The following CACNB2 variants were observed in gnomAD, a reference collection of about 807,000 sequenced individuals.
CACNB2 encodes voltage-dependent L-type calcium channel subunit beta-2.
In CACNB2, 42 loss-of-function variants were observed where a neutral mutation model predicts 73.3. The observed-to-expected ratio is 0.57, with a 90% CI of 0.45 to 0.74. The LOEUF (loss-of-function observed/expected upper bound fraction) is 0.74. CACNB2 is among the 30% of genes least tolerant of loss of function. CACNB2 has a pLI of 0.00. For missense variants in CACNB2, 940 were observed against 853.0 expected (o/e 1.10, Z -1.27); for synonymous variants, 348 against 310.3 (o/e 1.12, Z -1.28).
chr10:18,286,515 CTCAAAAAAAAA>C (rs2038805650), intron 2 of CACNB2, among the ~76,000 whole-genome samples: 2 of 52,712 alleles, frequency 3.8e-5, no homozygotes, highest in Non-Finnish European at 6.4e-5. Context: ...GAGATTCTGT[CTCAAAAAAAAA>C]AAAAAAAAAA....
intron 2 of CACNB2, among the ~76,000 whole-genome samples, chr10:18,266,544 C>A (rs1469396551): frequency 1.3e-5 from 2 of 151,588 alleles, no homozygotes; most frequent in Non-Finnish European, 2.9e-5. Flanking sequence ...TGGTTGTTCA[C>A]TCACAATTCA....
At chr10:18,201,087 T>A (rs1459065233) in intron 2 of CACNB2, among the ~76,000 whole-genome samples, 1 of 152,210 alleles carries the variant, frequency 6.6e-6, no homozygotes, top group Non-Finnish European at 1.5e-5. Context: ...GAGAGTTATA[T>A]GTTTGTGTAT....
At chr10:18,397,572 G>A (rs760994918) in intron 2 of CACNB2, among the ~76,000 whole-genome samples, 4 of 151,860 alleles carry the variant, frequency 2.6e-5, no homozygotes, top group Non-Finnish European at 5.9e-5. Flanking sequence ...AAAATTAGCC[G>A]AGTGTGGTGG....
chr10:18,344,783 A>G (rs2041378985), intron 2 of CACNB2, among the ~76,000 whole-genome samples: 2 of 152,234 alleles, frequency 1.3e-5, no homozygotes, highest in South Asian at 4.1e-4. Flanking sequence ...ATAAAATAAT[A>G]AAATAAAATA....
In CACNB2 at chr10:18,539,273, G is replaced by A. The variant is rs1039406883; in HGVS notation, c.1532G>A (p.Arg511His). Residue 511 changes from arginine to histidine, a missense_variant, in exon 14 of 14, where the codon CGT becomes CAT. Coordinates refer to ENST00000324631, the MANE Select transcript of CACNB2 (RefSeq NM_201596.3). ...DQRTDRSAPI[R>H]SASQAEEEPS... ...AGGACTGATCGCTCCGCTCCTATCC[G>A]TTCTGCTTCCCAAGCTGAAGAAGAA... The A allele has an allele frequency of 2.5e-5, 40 of 1,613,660 alleles. No individual in the cohort carries two copies. Among genetic ancestry groups the A allele is most frequent in the Admixed American group, 1.3e-4 (8 of 59,942 alleles).
intron 2 of CACNB2, among the ~76,000 whole-genome samples, chr10:18,245,892 T>G (rs1047274067): frequency 6.6e-6 from 1 of 152,168 alleles, no homozygotes; most frequent in African/African-American, 2.4e-5. Flanking sequence ...TGCATAGTGC[T>G]TATATTAATC....
chr10:18,178,595 G>A (rs59523856), intron 2 of CACNB2, among the ~76,000 whole-genome samples: 1 of 152,092 alleles, frequency 6.6e-6, no homozygotes, highest in African/African-American at 2.4e-5. Flanking sequence ...TTGGGAGAAG[G>A]TTCTTTTCCC....
intron 2 of CACNB2, among the ~76,000 whole-genome samples, chr10:18,252,555 C>G (rs1483361968): frequency 1.3e-5 from 2 of 152,118 alleles, no homozygotes; most frequent in Non-Finnish European, 2.9e-5. Context: ...TTTAATCCCT[C>G]TTTTATGTTA....
At chr10:18,427,371 C>T (rs989705834) in intron 3 of CACNB2, among the ~76,000 whole-genome samples, 2 of 151,858 alleles carry the variant, frequency 1.3e-5, no homozygotes, top group African/African-American at 2.4e-5. Flanking sequence ...GGATTTGACT[C>T]TTGAAGATTT....
intron 3 of CACNB2, among the ~76,000 whole-genome samples, chr10:18,406,924 T>C (rs889230614): frequency 6.6e-6 from 1 of 151,996 alleles, no homozygotes; most frequent in African/African-American, 2.4e-5. Context: ...CGACGGTCAG[T>C]GTACGTAAAG....
At chr10:18,359,827 T>A (rs2132208005) in intron 2 of CACNB2, among the ~76,000 whole-genome samples, 1 of 152,152 alleles carries the variant, frequency 6.6e-6, no homozygotes, top group Admixed American at 6.5e-5. Flanking sequence ...ATCTCTTGAA[T>A]TTTAATTATT....
intron 2 of CACNB2, among the ~76,000 whole-genome samples, chr10:18,194,174 G>C (rs1295781058): frequency 6.6e-6 from 1 of 152,090 alleles, no homozygotes; most frequent in African/African-American, 2.4e-5. Flanking sequence ...CTGAGTCCCT[G>C]CTCTTCCAGG....
chr10:18,355,706 G>A (rs865811183), intron 2 of CACNB2, among the ~76,000 whole-genome samples: 14 of 150,588 alleles, frequency 9.3e-5, no homozygotes, highest in African/African-American at 2.9e-4. Context: ...GCGCGATCTC[G>A]GCTCGCTGCA....
rs1045025537 is a variant in CACNB2, at chr10:18,500,773, C to G, written c.457-39C>G. 4.4e-6 allele frequency: 7 copies of G among 1,603,792 alleles called. No homozygotes were observed. The African/African-American group carries it at 6.7e-5, about 15-fold the overall frequency. ...TGTGGAAGAACAAGGATTTGACCTT[C>G]TGTGCACTGATTTTTAATGCTTTTG... is the stretch of plus-strand genomic sequence containing the variant. On this transcript the variant is annotated intron_variant, in intron 4 of 13. Transcript: ENST00000324631.
rs2036143915 is a variant in CACNB2, at chr10:18,229,506, T to C, written c.213+78531T>C. On this transcript the variant is annotated intron_variant, in intron 2 of 13. Transcript: ENST00000324631. ...CAAATAGAAAATGCACTTTTAAACT[T>C]TTTTCAATTTTGCTTGGTAAGATAT... Among the ~76,000 whole-genome samples the C allele has an allele frequency of 2.0e-5, 3 of 152,326 alleles. No homozygotes were observed. The South Asian group carries it at 6.2e-4, about 32-fold the overall frequency.
intron 3 of CACNB2, among the ~76,000 whole-genome samples, chr10:18,430,864 A>T (rs111677627): frequency 6.6e-6 from 1 of 152,224 alleles, no homozygotes; most frequent in South Asian, 2.1e-4. Flanking sequence ...TTGTATTTGC[A>T]GTTAGTGTCA....
chr10:18,519,790 C>A, intron 9 of CACNB2: 5 of 454,812 alleles, frequency 1.1e-5, no homozygotes, highest in South Asian at 7.8e-5. Flanking sequence ...TATGTTTTCA[C>A]CCACACCACT....
chr10:18,147,379 TAA>T (rs1372617245), intron 1 of CACNB2, among the ~76,000 whole-genome samples: 1 of 152,148 alleles, frequency 6.6e-6, no homozygotes, highest in Non-Finnish European at 1.5e-5. Flanking sequence ...AATATAAATA[TAA>T]GAGTTTTTTT....
chr10:18,197,310 C>T (rs991127585), intron 2 of CACNB2, among the ~76,000 whole-genome samples: 8 of 152,176 alleles, frequency 5.3e-5, no homozygotes, highest in African/African-American at 1.9e-4. Context: ...ACTCCAGACA[C>T]TCATTATTAT....
Sources: allele counts gnomAD v4.1 joint callset (sites outside exome capture counted in the v4.1 genomes callset), GRCh38; gene constraint gnomAD v4.1.1; transcripts MANE v1.5; gene names NCBI Gene and HGNC (gene_info 2026-07-23, HGNC 2026-07-21).